MARCHF4: variants seen among roughly 807,000 people sequenced by gnomAD.
MARCHF4 encodes E3 ubiquitin-protein ligase MARCHF4.
MARCHF4 carries 14 observed loss-of-function variants against 43.9 expected under a neutral mutation model. The observed-to-expected ratio is 0.32, with a 90% CI of 0.21 to 0.50. The LOEUF is 0.50. Ranked by LOEUF, MARCHF4 falls within the 20% of genes least tolerant of loss-of-function variation. MARCHF4 has a pLI of 0.98. For synonymous variants in MARCHF4, 226 were observed against 213.3 expected (o/e 1.06, Z -0.52); for missense variants, 468 against 536.7 (o/e 0.87, Z 1.27).
chr2:216,348,030 TTC>T (rs1172277245), intron 1 of MARCHF4, among the ~76,000 whole-genome samples: 2 of 138,898 alleles, frequency 1.4e-5, no homozygotes, highest in African/African-American at 5.4e-5. Flanking sequence ...GGTTAAGGCA[TTC>T]TTTTTTTTTT....
intron 1 of MARCHF4, among the ~76,000 whole-genome samples, chr2:216,298,458 G>T (rs774815544): frequency 6.6e-6 from 1 of 151,824 alleles, no homozygotes; most frequent in Middle Eastern, 3.4e-3. Flanking sequence ...TAGAAATGGG[G>T]TTTCACCATG....
At chr2:216,360,589 A>G (rs1692560110) in intron 1 of MARCHF4, among the ~76,000 whole-genome samples, 1 of 152,182 alleles carries the variant, frequency 6.6e-6, no homozygotes, top group East Asian at 1.9e-4. Context: ...TTGCCGGGAG[A>G]TCGGGAGTGG....
chr2:216,317,501 A>C (rs1023577169), intron 1 of MARCHF4, among the ~76,000 whole-genome samples: 2 of 151,778 alleles, frequency 1.3e-5, no homozygotes, highest in African/African-American at 4.8e-5. Context: ...GCAACCTTCC[A>C]CCTCCTGGGT....
rs1171424291 is a variant in MARCHF4 at position 216,259,066 on chromosome 2, A to G, written c.*246T>C. On this transcript the variant is annotated 3_prime_UTR_variant, in exon 4 of 4. Transcript: ENST00000273067. ...TTCTGTTGGGCCAGGTTCAGCCTGT[A>G]TTGCACTTTGTTGTTGAGTTGGTGT... is the stretch of plus-strand genomic sequence containing the variant. 4 of 373,986 alleles carry G rather than the reference A, an allele frequency of 1.1e-5. No individual in the cohort carries two copies. Among genetic ancestry groups the G allele is most frequent in the Admixed American group, 4.2e-5 (1 of 23,702 alleles). 23.2% of individuals were successfully genotyped at this position (373,986 alleles called of 1,614,324 possible).
intron 1 of MARCHF4, among the ~76,000 whole-genome samples, chr2:216,355,777 C>A (rs1470865499): frequency 6.6e-6 from 1 of 152,232 alleles, no homozygotes; most frequent in Admixed American, 6.5e-5. Flanking sequence ...AACAAAGATG[C>A]ACAAAAGGCT....
intron 1 of MARCHF4, among the ~76,000 whole-genome samples, chr2:216,356,436 C>T (rs1170618478): frequency 2.0e-5 from 3 of 152,188 alleles, no homozygotes; most frequent in Non-Finnish European, 4.4e-5. Context: ...CACGGTGCTA[C>T]GTATTGTCTT....
intron 3 of MARCHF4, among the ~76,000 whole-genome samples, chr2:216,275,146 C>T (rs1029416119): frequency 2.0e-5 from 3 of 152,156 alleles, no homozygotes; most frequent in African/African-American, 7.2e-5. Flanking sequence ...CTCTGCTTCT[C>T]CCAATAAATT....
At chr2:216,323,252 A>T (rs1691934450) in intron 1 of MARCHF4, among the ~76,000 whole-genome samples, 2 of 152,174 alleles carry the variant, frequency 1.3e-5, no homozygotes, top group East Asian at 3.8e-4. Flanking sequence ...TGGGCCCTGG[A>T]GTCCTTCAAT....
chr2:216,338,690 C>G (rs1034873170), intron 1 of MARCHF4, among the ~76,000 whole-genome samples: 1 of 152,120 alleles, frequency 6.6e-6, no homozygotes, highest in African/African-American at 2.4e-5. Flanking sequence ...CCACATGAAC[C>G]ATCTAGCATG....
At chr2:216,267,535 G>A (rs1048631033) in intron 3 of MARCHF4, among the ~76,000 whole-genome samples, 5 of 152,094 alleles carry the variant, frequency 3.3e-5, no homozygotes. Flanking sequence ...CTACTGCTCA[G>A]GAACTTCTAT....
intron 1 of MARCHF4, among the ~76,000 whole-genome samples, chr2:216,308,780 A>T (rs1691631566): frequency 6.6e-6 from 1 of 152,214 alleles, no homozygotes; most frequent in South Asian, 2.1e-4. Context: ...CTGAGCTAAA[A>T]ATAGAAAGCC....
intron 1 of MARCHF4, among the ~76,000 whole-genome samples, chr2:216,320,609 TTCTTTCTTTCTTTCTTTCTTTC>T (rs1276689663): frequency 2.5e-4 from 9 of 35,454 alleles, no homozygotes; most frequent in South Asian, 7.4e-4. Flanking sequence ...TAGCCTCTTT[TTCTTTCTTTCTTTCTTTCTTTC>T]TTTCTTTCTT....
chr2:216,317,466 T>C (rs182755283), intron 1 of MARCHF4, among the ~76,000 whole-genome samples: 145 of 152,182 alleles, frequency 9.5e-4, no homozygotes, highest in African/African-American at 3.4e-3. Flanking sequence ...CAGGCTGGAG[T>C]GCAGTGGTGT....
At chr2:216,361,078 T>G (rs771747296) in intron 1 of MARCHF4, among the ~76,000 whole-genome samples, 1 of 152,002 alleles carries the variant, frequency 6.6e-6, no homozygotes, top group Non-Finnish European at 1.5e-5. Flanking sequence ...CTAAAAAAAT[T>G]AAGCCCATTA....
chr2:216,283,658 C>G lies in MARCHF4; in HGVS notation c.588G>C (p.Trp196Cys), dbSNP rs1400343038. Reference sequence around the variant, plus strand: ...AGCTCCAGCAGCCCCGCTCGCTGATCCACTTGATGAGGCAAGGCTGGTGTG... The same window carrying G: ...AGCTCCAGCAGCCCCGCTCGCTGATGCACTTGATGAGGCAAGGCTGGTGTG... ...KCTHQPCLIK[W>C]ISERGCWSCE... is the part of the protein sequence containing the mutation. Residue 196 changes from tryptophan to cysteine, a missense_variant, in exon 2 of 4, where the codon TGG becomes TGC. Physicochemically the swap from Trp to Cys is radical, Grantham distance 215. Around this residue, in one of 3 missense-constraint regions of MARCHF4, gnomAD observed 158 missense variants for 251.1 expected, o/e 0.63. Coordinates refer to ENST00000273067, the MANE Select transcript of MARCHF4 (RefSeq NM_020814.3). 6.2e-7 allele frequency: 1 copy of G among 1,613,746 alleles called. No individual in the cohort carries two copies. The highest frequency in any genetic ancestry group is 8.5e-7 in the Non-Finnish European group (1 of 1,179,628).
At chr2:216,331,234 T>C (rs912742195) in intron 1 of MARCHF4, among the ~76,000 whole-genome samples, 2 of 152,158 alleles carry the variant, frequency 1.3e-5, no homozygotes, top group East Asian at 1.9e-4. Flanking sequence ...CATATCCTTA[T>C]GCCAAACATT....
At chr2:216,289,427 CTTGT>C (rs904674100) in intron 1 of MARCHF4, among the ~76,000 whole-genome samples, 46 of 152,300 alleles carry the variant, frequency 3.0e-4, no homozygotes, top group African/African-American at 1.0e-3. Context: ...TCGTTTTTCT[CTTGT>C]TTATCTGTCT....
intron 1 of MARCHF4, among the ~76,000 whole-genome samples, chr2:216,361,134 A>G (rs1383636675): frequency 6.6e-6 from 1 of 152,210 alleles, no homozygotes; most frequent in African/African-American, 2.4e-5. Context: ...CAAGGTGAGA[A>G]ATTCTAGCTA....
intron 3 of MARCHF4, among the ~76,000 whole-genome samples, chr2:216,277,437 C>T (rs1405009423): frequency 6.6e-6 from 1 of 152,212 alleles, no homozygotes. Context: ...TCTTTATCTT[C>T]AACTGTGCAA....
Sources: allele counts gnomAD v4.1 joint callset (sites outside exome capture counted in the v4.1 genomes callset), GRCh38; gene constraint gnomAD v4.1.1; regional missense constraint gnomAD v4.1.1; transcripts MANE v1.5; gene names NCBI Gene and HGNC (gene_info 2026-07-23, HGNC 2026-07-21).